FAM13A: variants seen among roughly 807,000 people sequenced by gnomAD.
FAM13A encodes the protein family with sequence similarity 13 member A, also known as protein FAM13A.
FAM13A carries 76 observed loss-of-function variants against 129.6 expected under a neutral mutation model. The observed-to-expected ratio is 0.59, with a 90% confidence interval of 0.49 to 0.71. The LOEUF is 0.71. Among genes scored for constraint, FAM13A ranks in the 30% least tolerant of loss-of-function variants. The pLI is 0.00. For synonymous variants in FAM13A, 443 were observed against 449.9 expected (o/e 0.98, Z 0.20); for missense variants, 1,108 against 1,249.3 (o/e 0.89, Z 1.70).
intron 6 of FAM13A, among the ~76,000 whole-genome samples, chr4:88,905,059 C>A (rs1392140045): frequency 6.6e-6 from 1 of 152,082 alleles, no homozygotes; most frequent in Non-Finnish European, 1.5e-5. Context: ...TCATGCATTT[C>A]TATTATGCTT....
chr4:88,835,130 C>T (rs1734595771), intron 7 of FAM13A, among the ~76,000 whole-genome samples: 1 of 152,144 alleles, frequency 6.6e-6, no homozygotes, highest in Admixed American at 6.5e-5. Context: ...GCCTGGTATT[C>T]TCCTCCTCTA....
intron 4 of FAM13A, among the ~76,000 whole-genome samples, chr4:88,958,045 G>T (rs1585258): frequency 0.76 from 114,956 of 151,718 alleles, 44,009 homozygotes; most frequent in Non-Finnish European, 0.82. Context: ...TTTGGAAAAT[G>T]TGCAGCCTGG....
chr4:88,979,740 G>A (rs1438088765), intron 4 of FAM13A, among the ~76,000 whole-genome samples: 3 of 152,280 alleles, frequency 2.0e-5, no homozygotes, highest in South Asian at 2.1e-4. Flanking sequence ...TTTGGAGGCC[G>A]AGGCAGCAGA....
intron 13 of FAM13A, among the ~76,000 whole-genome samples, chr4:88,762,901 C>T (rs1394116807): frequency 6.6e-6 from 1 of 152,158 alleles, no homozygotes; most frequent in Non-Finnish European, 1.5e-5. Context: ...ATTAATTTCA[C>T]AATTTTCAAC....
At chr4:89,054,649 G>A (rs977294394) in intron 1 of FAM13A, among the ~76,000 whole-genome samples, 18 of 152,062 alleles carry the variant, frequency 1.2e-4, no homozygotes, top group Non-Finnish European at 2.6e-4. Flanking sequence ...CAAAAGAAAT[G>A]CAATTGTCTT....
chr4:88,964,888 A>G (rs1387382507), intron 4 of FAM13A, among the ~76,000 whole-genome samples: 3 of 152,134 alleles, frequency 2.0e-5, no homozygotes, highest in East Asian at 3.9e-4. Context: ...TCGGCCTCCC[A>G]AAGTGCTGGG....
chr4:89,024,375 A>T (rs1767661789), intron 2 of FAM13A, among the ~76,000 whole-genome samples: 1 of 152,184 alleles, frequency 6.6e-6, no homozygotes, highest in African/African-American at 2.4e-5. Flanking sequence ...GAGTTTAAAG[A>T]CTGTATGCTT....
At chr4:88,749,155 A>G in intron 16 of FAM13A, 122 bp from the exon 17 acceptor site, 1 of 744,292 alleles carries the variant, frequency 1.3e-6, no homozygotes, top group South Asian at 1.5e-5. Flanking sequence ...ATAAGAAATT[A>G]AACACGACCA....
chr4:88,727,726 C>T lies in FAM13A; in HGVS notation c.*807G>A, dbSNP rs1029991275. The T allele has an allele frequency of 6.6e-6, 1 of 152,204 alleles. No individual in the cohort carries two copies. The highest frequency in any genetic ancestry group is 1.5e-5 in the Non-Finnish European group (1 of 68,048). 9.4% of individuals were successfully genotyped at this position (152,204 alleles called of 1,614,324 possible). On this transcript the variant is annotated 3_prime_UTR_variant, in exon 24 of 24. Coordinates refer to ENST00000264344, the MANE Select transcript of FAM13A (RefSeq NM_014883.4). ...CTTGGTGTTTGACGATAAAATCAGA[C>T]TGGTAAGTGCAGTCAGTGTTCAGGA...
intron 6 of FAM13A, among the ~76,000 whole-genome samples, chr4:88,854,442 G>T (rs1738147011): frequency 6.6e-6 from 1 of 152,202 alleles, no homozygotes; most frequent in Admixed American, 6.5e-5. Flanking sequence ...AATGGCCAAG[G>T]GTTGGGGATA....
At chr4:89,012,798 T>C (rs977354220) in intron 3 of FAM13A, among the ~76,000 whole-genome samples, 2 of 152,060 alleles carry the variant, frequency 1.3e-5, no homozygotes, top group African/African-American at 4.8e-5. Context: ...TCTGAAAAAT[T>C]TTAAGCACAT....
At chr4:88,810,301 T>C (rs1465295987) in intron 7 of FAM13A, among the ~76,000 whole-genome samples, 1 of 152,204 alleles carries the variant, frequency 6.6e-6, no homozygotes, top group African/African-American at 2.4e-5. Context: ...AGCTGAATTA[T>C]GTCACCCCAA....
chr4:88,935,918 G>A (rs1170578998), intron 5 of FAM13A, among the ~76,000 whole-genome samples: 4 of 147,938 alleles, frequency 2.7e-5, no homozygotes, highest in East Asian at 1.9e-4. Context: ...GACTATCAGC[G>A]AGATCAGTTA....
At position 88,726,540 on chromosome 4, in the gene FAM13A, A is replaced by C. The variant is rs1006622543; in HGVS notation, c.*1993T>G. ...CTGTAGCGTATTTTTCCAAAAACAT[A>C]GTCTTAAACAAATGTGCTTTAAAAG... On this transcript the variant is annotated 3_prime_UTR_variant, in exon 24 of 24. Coordinates refer to ENST00000264344, the MANE Select transcript of FAM13A (RefSeq NM_014883.4). 2 of 152,670 alleles carry C rather than the reference A, an allele frequency of 1.3e-5. No individual in the cohort carries two copies. The highest frequency in any genetic ancestry group is 2.9e-5 in the Non-Finnish European group (2 of 68,042). 9.5% of individuals were successfully genotyped at this position (152,670 alleles called of 1,614,324 possible).
chr4:88,958,712 C>T (rs1758152380), intron 4 of FAM13A, among the ~76,000 whole-genome samples: 1 of 152,186 alleles, frequency 6.6e-6, no homozygotes, highest in Non-Finnish European at 1.5e-5. Context: ...TTGGAGCCCC[C>T]CGACAGAGTC....
chr4:88,961,346 C>CTT (rs1560548919), intron 4 of FAM13A, among the ~76,000 whole-genome samples: 1 of 89,326 alleles, frequency 1.1e-5, no homozygotes, highest in Non-Finnish European at 2.3e-5. Flanking sequence ...GTGGAATTTG[C>CTT]CTTTTTTTTT....
At position 89,045,436 on chromosome 4, in the gene FAM13A, A is replaced by G. The variant is rs150069862; in HGVS notation, c.27+11502T>C. Among the ~76,000 whole-genome samples, 382 of 152,332 alleles carry G rather than the reference A, an allele frequency of 2.5e-3. 1 individual carries two copies. Among genetic ancestry groups the G allele is most frequent in the African/African-American group, 8.6e-3 (356 of 41,568 alleles). On this transcript the variant is annotated intron_variant, in intron 1 of 23. Transcript: ENST00000264344. ...CCATTTCCACTCTTTGGAATCCCCA[A>G]TGAAGAAAATCAAACAATGGAATAG...
intron 3 of FAM13A, among the ~76,000 whole-genome samples, chr4:89,015,479 CA>C (rs1326491368): frequency 2.0e-5 from 3 of 152,206 alleles, no homozygotes; most frequent in Non-Finnish European, 4.4e-5. Context: ...CTTTATTTCT[CA>C]GACTGGCTGA....
chr4:89,011,052 T>A (rs1765664552), intron 3 of FAM13A, among the ~76,000 whole-genome samples: 1 of 152,160 alleles, frequency 6.6e-6, no homozygotes, highest in Non-Finnish European at 1.5e-5. Context: ...TTCCTCATGT[T>A]GGCCAGGCTG....
Sources: gnomAD v4.1 joint callset for allele counts (sites outside exome capture counted in the v4.1 genomes callset) on GRCh38, gnomAD v4.1.1 for gene constraint, MANE v1.5 for transcripts, NCBI Gene and HGNC (gene_info 2026-07-23, HGNC 2026-07-21) for gene names.